NT5DC3: variants seen among roughly 807,000 people sequenced by gnomAD.
NT5DC3 encodes the protein 5'-nucleotidase domain containing 3, also known as 5'-nucleotidase domain-containing protein 3.
Under a neutral mutation model 67.8 loss-of-function variants are expected in NT5DC3, and 42 were observed. The observed-to-expected ratio is 0.62, with a 90% confidence interval of 0.48 to 0.80. The LOEUF is 0.80. Ranked by LOEUF, NT5DC3 falls within the 30% of genes least tolerant of loss-of-function variation. The pLI is 0.00. For synonymous variants in NT5DC3, 237 were observed against 255.6 expected, an observed-to-expected ratio of 0.93 and a Z score of 0.69; for missense variants, 570 against 696.4, an observed-to-expected ratio of 0.82 and a Z score of 2.04.
At chr12:103,820,210 T>C (rs942655815) in intron 1 of NT5DC3, among the ~76,000 whole-genome samples, 2 of 152,244 alleles carry the variant, frequency 1.3e-5, no homozygotes, top group Middle Eastern at 3.2e-3. Context: ...GCTATGAACA[T>C]ACAAGTATCT....
At chr12:103,770,944 T>TA (rs1885167770), downstream of NT5DC3, 1 of 152,230 alleles carries the variant, frequency 6.6e-6, no homozygotes, top group South Asian at 2.1e-4. Context: ...TCAACCTATC[T>TA]ACCATGTAGA....
chr12:103,830,918 C>T (rs1232031451), intron 1 of NT5DC3, among the ~76,000 whole-genome samples: 1 of 152,112 alleles, frequency 6.6e-6, no homozygotes, highest in Non-Finnish European at 1.5e-5. Flanking sequence ...CTTATGGTGG[C>T]TTATTTGTGT....
At chr12:103,752,763 G>A in the NT5DC3 span, among the ~76,000 whole-genome samples, 16 of 152,098 alleles carry the variant, frequency 1.1e-4, no homozygotes, top group Non-Finnish European at 2.2e-4. Flanking sequence ...ATGATTTAAT[G>A]TTGTTTTAAA....
At chr12:103,809,215 G>A (rs893385941) in intron 2 of NT5DC3, among the ~76,000 whole-genome samples, 7 of 152,224 alleles carry the variant, frequency 4.6e-5, no homozygotes, top group African/African-American at 1.4e-4. Flanking sequence ...GAAAGCATTT[G>A]CAGTTACGAG....
Position 103,777,871 on chromosome 12 carries a change from G to T in NT5DC3, c.1605C>A (p.Pro535=), listed in dbSNP as rs534800414. Residue 535 remains proline, a synonymous_variant, in exon 14 of 14, where the codon CCC becomes CCA. Coordinates refer to ENST00000392876, the MANE Select transcript of NT5DC3 (RefSeq NM_001031701.3). Reference sequence around the variant, plus strand: ...CCTGCAGGAGAGGGGTTCCGAAGGTGGGGGGCCTTTCTGACCAGGCGGGCA... The same window carrying T: ...CCTGCAGGAGAGGGGTTCCGAAGGTTGGGGGCCTTTCTGACCAGGCGGGCA... The part of the protein sequence containing the change: ...HELPAWSERP[P]TFGTPLLQEA... 2.5e-6 allele frequency: 4 copies of T among 1,614,096 alleles called. No homozygotes were observed. Among genetic ancestry groups the T allele is most frequent in the East Asian group, 2.2e-5 (1 of 44,880 alleles).
At chr12:103,748,014 A>AG in the NT5DC3 span, among the ~76,000 whole-genome samples, 1 of 149,746 alleles carries the variant, frequency 6.7e-6, no homozygotes, top group South Asian at 2.1e-4. Flanking sequence ...AAAAAAAAAA[A>AG]GGGAAGAAGA....
chr12:103,841,224 A>G lies in NT5DC3; in HGVS notation c.-68T>C. ...ACTGCTGCTGCCCGGCCCAAGATCT[A>G]CCCGCGCTCTGCCCTGCAGGAGGGC... is the stretch of plus-strand genomic sequence containing the variant. On this transcript the variant is annotated 5_prime_UTR_variant, in exon 1 of 14. Coordinates refer to ENST00000392876, the MANE Select transcript of NT5DC3 (RefSeq NM_001031701.3). 2.0e-6 allele frequency: 1 copy of G among 503,958 alleles called. No homozygotes were observed. The allele number at this position is 503,958 out of a possible 1,614,324, so 31.2% of individuals were successfully genotyped here. A position where few individuals can be genotyped will look rare whatever the true frequency, so the allele number is the denominator to read the frequency against.
intron 2 of NT5DC3, among the ~76,000 whole-genome samples, chr12:103,810,107 G>C (rs1593417332): frequency 1.3e-5 from 2 of 152,228 alleles, no homozygotes; most frequent in African/African-American, 4.8e-5. Flanking sequence ...TCGCTGGATT[G>C]AGAACTGGCG....
intron 1 of NT5DC3, among the ~76,000 whole-genome samples, chr12:103,832,774 G>A (rs539350805): frequency 2.6e-5 from 4 of 152,266 alleles, no homozygotes; most frequent in South Asian, 2.1e-4. Flanking sequence ...GGATCATTGA[G>A]CATAACAGCT....
chr12:103,780,703 A>C (rs1369837604), intron 12 of NT5DC3, among the ~76,000 whole-genome samples: 1 of 152,262 alleles, frequency 6.6e-6, no homozygotes, highest in Non-Finnish European at 1.5e-5. Context: ...TCCATTATGC[A>C]CATGATACAT....
the NT5DC3 span, chr12:103,759,140 C>G: frequency 6.2e-7 from 1 of 1,614,162 alleles, no homozygotes; most frequent in Non-Finnish European, 8.5e-7. Flanking sequence ...CAGACCTTGT[C>G]TGGGCGGGAC....
chr12:103,810,946 C>A (rs1362293398), intron 2 of NT5DC3, among the ~76,000 whole-genome samples: 5 of 152,116 alleles, frequency 3.3e-5, no homozygotes, highest in South Asian at 2.1e-4. Flanking sequence ...TTAGAGGCAA[C>A]GCAGAAGGGA....
At chr12:103,806,434 A>G in intron 3 of NT5DC3, 57 bp from the exon 4 acceptor site, 1 of 1,244,900 alleles carries the variant, frequency 8.0e-7, no homozygotes. Context: ...TGCATATTAC[A>G]TGAGCCATCC....
chr12:103,749,263 AT>A, the NT5DC3 span: 5 of 1,225,114 alleles, frequency 4.1e-6, no homozygotes, highest in Non-Finnish European at 4.4e-6. Flanking sequence ...CTTCCTAAAC[AT>A]TTTTTCTAGC....
chr12:103,756,336 A>G, the NT5DC3 span, among the ~76,000 whole-genome samples: 1 of 152,244 alleles, frequency 6.6e-6, no homozygotes, highest in African/African-American at 2.4e-5. Flanking sequence ...CAGTAATAAC[A>G]GCTAACATTT....
Position 103,778,030 on chromosome 12 carries a change from T to C in NT5DC3, c.1446A>G (p.Thr482=). 1 of 1,614,230 alleles carries C rather than the reference T, an allele frequency of 6.2e-7. No homozygotes were observed. Among genetic ancestry groups the C allele is most frequent in the African/African-American group, 1.3e-5 (1 of 75,072 alleles). ...TTAGGAAGTAGGTTGGGTTCTGGTC[T>C]GTGCGGAACAGGCTTCCAAACTGGG... ...FNAQFGSLFR[T]DQNPTYFLRR... is the part of the protein sequence containing the mutation. Residue 482 remains threonine (T), a synonymous_variant, in exon 14 of 14, where the codon ACA becomes ACG. Coordinates refer to ENST00000392876, the MANE Select transcript of NT5DC3 (RefSeq NM_001031701.3).
At chr12:103,816,249 C>T (rs1035867719) in intron 1 of NT5DC3, among the ~76,000 whole-genome samples, 3 of 152,152 alleles carry the variant, frequency 2.0e-5, no homozygotes, top group Non-Finnish European at 2.9e-5. Flanking sequence ...ACCTACCAAT[C>T]GTGGCTCCCT....
At chr12:103,817,702 G>A (rs996230590) in intron 1 of NT5DC3, among the ~76,000 whole-genome samples, 3 of 152,184 alleles carry the variant, frequency 2.0e-5, no homozygotes, top group Non-Finnish European at 4.4e-5. Context: ...TATTTGCTAA[G>A]GATACACCAG....
At chr12:103,760,639 C>T in the NT5DC3 span, among the ~76,000 whole-genome samples, 3 of 152,164 alleles carry the variant, frequency 2.0e-5, no homozygotes, top group South Asian at 4.2e-4. Context: ...TGGAGATGAC[C>T]GTGGGGGTAG....
Sources: allele counts gnomAD v4.1 joint callset (sites outside exome capture counted in the v4.1 genomes callset), GRCh38; gene constraint gnomAD v4.1.1; transcripts MANE v1.5; gene names NCBI Gene and HGNC (gene_info 2026-07-23, HGNC 2026-07-21).